The following UST variants were observed in gnomAD, a reference collection of about 807,000 sequenced individuals.
UST encodes the protein chondroitin sulfate 2-O-sulfotransferase.
UST carries 21 observed loss-of-function variants against 45.6 expected under a neutral mutation model. The ratio of observed to expected loss-of-function variants is 0.46; its 90% CI spans 0.33 to 0.66. UST has a LOEUF of 0.66. Among genes scored for constraint, UST ranks in the 30% least tolerant of loss-of-function variants. The probability of loss-of-function intolerance (pLI) is 0.02; values close to 1 mark genes in which losing one functional copy is unlikely to be tolerated. For missense variants in UST, 463 were observed against 512.4 expected (o/e 0.90, Z 0.93); for synonymous variants, 215 against 200.6 (o/e 1.07, Z -0.61).
chr6:149,008,944 T>A (rs931915972), intron 5 of UST, among the ~76,000 whole-genome samples: 3 of 152,200 alleles, frequency 2.0e-5, no homozygotes, highest in African/African-American at 7.2e-5. Flanking sequence ...TCCTGACTCA[T>A]CATTAAATAT....
At chr6:148,786,623 T>G (rs1776739934) in intron 1 of UST, among the ~76,000 whole-genome samples, 1 of 152,240 alleles carries the variant, frequency 6.6e-6, no homozygotes. Flanking sequence ...CACATTTTCT[T>G]TATCAAGTCT....
chr6:148,892,960 T>C (rs1400530712), intron 2 of UST, among the ~76,000 whole-genome samples: 2 of 152,134 alleles, frequency 1.3e-5, no homozygotes, highest in African/African-American at 4.8e-5. Context: ...TCTCTTTCTT[T>C]TTTTAAAAAA....
intron 4 of UST, among the ~76,000 whole-genome samples, chr6:148,960,077 T>A (rs1049347448): frequency 6.6e-6 from 1 of 151,900 alleles, no homozygotes. Context: ...TCACTTGAGG[T>A]CAGGAGTTCG....
chr6:148,830,797 CA>C (rs1053208060), intron 1 of UST, among the ~76,000 whole-genome samples: 11 of 152,052 alleles, frequency 7.2e-5, no homozygotes, highest in African/African-American at 9.6e-5. Context: ...TTGCCAGAGA[CA>C]GGGGGGAGGA....
chr6:148,996,235 T>TC (rs1032902936), intron 5 of UST, among the ~76,000 whole-genome samples: 5 of 152,242 alleles, frequency 3.3e-5, no homozygotes, highest in African/African-American at 1.2e-4. Context: ...TATCGTTGTT[T>TC]CTGAGACAGG....
At chr6:149,029,866 TTGTGTG>T (rs3074362) in intron 7 of UST, among the ~76,000 whole-genome samples, 15,388 of 140,700 alleles carry the variant, frequency 0.11, 1,013 homozygotes, top group African/African-American at 0.19. Flanking sequence ...GCACTGGATC[TTGTGTG>T]TGTGTGTGTG....
At chr6:148,992,056 C>T (rs193180438) in intron 5 of UST, among the ~76,000 whole-genome samples, 58 of 152,276 alleles carry the variant, frequency 3.8e-4, no homozygotes, top group Middle Eastern at 3.4e-3. Flanking sequence ...ACCTGTGGAA[C>T]AGTTTGGTCC....
chr6:148,760,763 G>C (rs1025760932), intron 1 of UST, among the ~76,000 whole-genome samples: 1 of 151,712 alleles, frequency 6.6e-6, no homozygotes, highest in Non-Finnish European at 1.5e-5. Context: ...CATCTCCCCA[G>C]GAAATAGAAC....
At chr6:148,810,219 C>A (rs1209729032) in intron 1 of UST, among the ~76,000 whole-genome samples, 1 of 152,064 alleles carries the variant, frequency 6.6e-6, no homozygotes, top group Non-Finnish European at 1.5e-5. Context: ...GAGAGTGGAC[C>A]AGTAGCCATA....
intron 1 of UST, among the ~76,000 whole-genome samples, chr6:148,861,475 G>GT (rs1252615581): frequency 5.9e-5 from 9 of 151,952 alleles, no homozygotes; most frequent in African/African-American, 9.7e-5. Flanking sequence ...TTTTTTTAAG[G>GT]TTTTTTTGTG....
chr6:148,889,233 G>T (rs796258657), intron 2 of UST, among the ~76,000 whole-genome samples: 6 of 152,334 alleles, frequency 3.9e-5, no homozygotes, highest in African/African-American at 1.2e-4. Context: ...GTTCACATTG[G>T]AGAGCCACTG....
At chr6:149,017,853 A>C (rs1775927699) in intron 5 of UST, among the ~76,000 whole-genome samples, 3 of 150,772 alleles carry the variant, frequency 2.0e-5, no homozygotes, top group Admixed American at 1.3e-4. Flanking sequence ...TCAGTGTCAA[A>C]CTCTTCTTAG....
At position 148,748,606 on chromosome 6, in the gene UST, C is replaced by G. The variant is rs1438649062; in HGVS notation, c.247+929C>G. Among the ~76,000 whole-genome samples, 1 of 152,048 alleles carries G rather than the reference C, an allele frequency of 6.6e-6. No homozygotes were observed. The highest frequency in any genetic ancestry group is 2.4e-5 in the African/African-American group (1 of 41,388). ...TGCCAGGGACAGGCGAGCGCAAGCC[C>G]AGGTCGCAAGGACGATGCTGGCACT... is the stretch of plus-strand genomic sequence containing the variant. On this transcript the variant is annotated intron_variant, in intron 1 of 7. Transcript: ENST00000367463. This position sits in a 1 kb window ranked among gnomAD's most constrained non-coding sequence, Gnocchi z 5.3.
At chr6:149,048,129 T>TA (rs1776420447) in intron 7 of UST, among the ~76,000 whole-genome samples, 1 of 138,710 alleles carries the variant, frequency 7.2e-6, no homozygotes, top group South Asian at 2.1e-4. Context: ...AAGAGTTCAT[T>TA]TTTTTTTTAA....
At chr6:148,926,354 A>G (rs1409885178) in intron 2 of UST, among the ~76,000 whole-genome samples, 1 of 152,252 alleles carries the variant, frequency 6.6e-6, no homozygotes, top group East Asian at 1.9e-4. Context: ...AAAGGCCTAT[A>G]TCAGAAATGC....
chr6:149,049,908 GTCTCTC>G (rs138243742), intron 7 of UST, among the ~76,000 whole-genome samples: 13 of 142,430 alleles, frequency 9.1e-5, no homozygotes, highest in African/African-American at 2.3e-4. Flanking sequence ...AACTCACCTT[GTCTCTC>G]TCTCTCTCTC....
chr6:148,877,685 G>T (rs1452938029), intron 1 of UST, among the ~76,000 whole-genome samples: 2 of 122,740 alleles, frequency 1.6e-5, no homozygotes, highest in Non-Finnish European at 3.3e-5. Flanking sequence ...GAGTGCAGGG[G>T]GTCATGTATG....
intron 7 of UST, among the ~76,000 whole-genome samples, chr6:149,064,736 C>T (rs924239086): frequency 3.3e-5 from 5 of 152,046 alleles, no homozygotes; most frequent in African/African-American, 7.3e-5. Context: ...AAGAATGAAC[C>T]GGCATTTAGA....
intron 1 of UST, among the ~76,000 whole-genome samples, chr6:148,804,586 C>T (rs1777112813): frequency 6.6e-6 from 1 of 152,146 alleles, no homozygotes; most frequent in Non-Finnish European, 1.5e-5. Flanking sequence ...GCAAGGCTTT[C>T]TGGAAGTGTG....
Sources: allele counts gnomAD v4.1 joint callset (sites outside exome capture counted in the v4.1 genomes callset), GRCh38; gene constraint gnomAD v4.1.1; non-coding constraint Gnocchi (gnomAD v3.1); transcripts MANE v1.5; gene names NCBI Gene and HGNC (gene_info 2026-07-23, HGNC 2026-07-21).